LRRC28: variants seen among roughly 807,000 people sequenced by gnomAD.
LRRC28 encodes leucine rich repeat containing 28, also known as leucine-rich repeat-containing protein 28.
In LRRC28, 39 loss-of-function variants were observed where a neutral mutation model predicts 45.7. The ratio of observed to expected loss-of-function variants is 0.85; its 90% confidence interval spans 0.66 to 1.12. LRRC28 has a LOEUF of 1.12. Among genes scored for constraint, LRRC28 ranks in the 50% most tolerant of loss-of-function variants. The pLI, the probability that LRRC28 is intolerant of heterozygous loss-of-function variation, is 0.00. For synonymous variants in LRRC28, 206 were observed against 178.8 expected (o/e 1.15, Z -1.22); for missense variants, 435 against 438.5 (o/e 0.99, Z 0.07).
intron 1 of LRRC28, among the ~76,000 whole-genome samples, chr15:99,255,662 G>A (rs1410333376): frequency 6.6e-6 from 1 of 151,848 alleles, no homozygotes; most frequent in Non-Finnish European, 1.5e-5. Flanking sequence ...TTTCCATTAG[G>A]ACTATTTCTA....
intron 8 of LRRC28, 56 bp from the exon 9 acceptor site, chr15:99,363,050 A>C (rs965977503): frequency 6.5e-7 from 1 of 1,532,564 alleles, no homozygotes; most frequent in Non-Finnish European, 8.8e-7. Flanking sequence ...TAAGAAGCGT[A>C]GTTTAAGGAA....
chr15:99,359,561 A>G (rs551531783), intron 7 of LRRC28, among the ~76,000 whole-genome samples: 143 of 152,314 alleles, frequency 9.4e-4, no homozygotes, highest in African/African-American at 2.9e-3. Flanking sequence ...TTTCTTACCA[A>G]TCTTTTTGGA....
chr15:99,363,131 A>G lies in LRRC28; in HGVS notation c.897A>G (p.Ser299=), dbSNP rs757430375. 10 of 1,610,638 alleles carry G rather than the reference A, an allele frequency of 6.2e-6. No homozygotes were observed. In the South Asian group the frequency reaches 6.6e-5, roughly 11 times the overall value. The part of the protein sequence containing the change: ...LKDLNFLSPI[S]LPRSLLELLH... ...ATTTGAACTTTCTGTCTCCAATCTC[A>G]TTACCCAGAAGTCTCCTAGAGCTGC... is the stretch of plus-strand genomic sequence containing the variant. The change falls in exon 9 of 10, where the codon TCA becomes TCG. Residue 299 remains serine (S), a synonymous_variant. Transcript: ENST00000301981.
chr15:99,383,836 C>G (rs908765944), intron 9 of LRRC28, among the ~76,000 whole-genome samples: 1 of 152,172 alleles, frequency 6.6e-6, no homozygotes, highest in African/African-American at 2.4e-5. Flanking sequence ...CCTCTAGAAT[C>G]TGCAAGGGGA....
intron 5 of LRRC28, among the ~76,000 whole-genome samples, chr15:99,323,694 G>A (rs1955877991): frequency 6.6e-6 from 1 of 152,130 alleles, no homozygotes; most frequent in African/African-American, 2.4e-5. Context: ...AATTACAGAA[G>A]TATTTATATT....
rs1463680555 is a variant in LRRC28 at position 99,363,111 on chromosome 15, A to G, written c.877A>G (p.Asn293Asp). 1 of 1,606,194 alleles carries G rather than the reference A, an allele frequency of 6.2e-7. No homozygotes were observed. The highest frequency in any genetic ancestry group is 2.2e-5 in the East Asian group (1 of 44,736). Reference protein sequence around the residue: ...HTYHSLLKDLNFLSPISLPRS... With the variant: ...HTYHSLLKDLDFLSPISLPRS... ...GATTTTCTTTTGTGTTCCAGATTTG[A>G]ACTTTCTGTCTCCAATCTCATTACC... is the stretch of plus-strand genomic sequence containing the variant. Residue 293 changes from asparagine (N) to aspartate (D), a missense_variant, in exon 9 of 10, where the codon AAC becomes GAC. By Grantham distance (23) the Asn-to-Asp change is conservative (BLOSUM62 1). Transcript: ENST00000301981.
intron 2 of LRRC28, among the ~76,000 whole-genome samples, chr15:99,274,713 T>C (rs954961269): frequency 2.0e-5 from 3 of 152,378 alleles, no homozygotes; most frequent in Admixed American, 1.3e-4. Context: ...GACATGATTG[T>C]TTTTCTAACA....
In LRRC28 at chr15:99,256,929, G is replaced by A. The variant is rs145011234; in HGVS notation, c.168+804G>A. Reference sequence around the variant, plus strand: ...TTAACCTTATTTGAATCTTGTACTTGAATTCTAGTGCTTACTCATTTTAGA... The same window carrying A: ...TTAACCTTATTTGAATCTTGTACTTAAATTCTAGTGCTTACTCATTTTAGA... On this transcript the variant is annotated intron_variant, in intron 2 of 9. Coordinates refer to ENST00000301981, the MANE Select transcript of LRRC28 (RefSeq NM_144598.5). Among the ~76,000 whole-genome samples the A allele has an allele frequency of 2.2e-3, 334 of 152,198 alleles. 2 individuals carry two copies. The highest frequency in any genetic ancestry group is 7.8e-3 in the African/African-American group (322 of 41,534).
intron 5 of LRRC28, among the ~76,000 whole-genome samples, chr15:99,304,701 C>T (rs1955117186): frequency 6.6e-6 from 1 of 151,954 alleles, no homozygotes; most frequent in South Asian, 2.1e-4. Context: ...CCTGCCTGTG[C>T]CTCTCAAAGT....
At chr15:99,353,506 T>C (rs1375189610) in intron 7 of LRRC28, among the ~76,000 whole-genome samples, 1 of 152,196 alleles carries the variant, frequency 6.6e-6, no homozygotes. Flanking sequence ...AGCTGAGAGA[T>C]GTATTCTGGA....
chr15:99,294,792 A>G (rs1462364625), intron 5 of LRRC28, among the ~76,000 whole-genome samples: 1 of 152,198 alleles, frequency 6.6e-6, no homozygotes, highest in African/African-American at 2.4e-5. Flanking sequence ...TGGGGACACA[A>G]ACATTCAAAT....
At chr15:99,305,771 G>T (rs1955160463) in intron 5 of LRRC28, among the ~76,000 whole-genome samples, 2 of 151,934 alleles carry the variant, frequency 1.3e-5, no homozygotes, top group South Asian at 2.1e-4. Flanking sequence ...AAAAACAGTG[G>T]CTTTGTTTTC....
chr15:99,354,777 G>A (rs767475316), intron 7 of LRRC28, among the ~76,000 whole-genome samples: 7 of 152,188 alleles, frequency 4.6e-5, no homozygotes, highest in Non-Finnish European at 7.3e-5. Context: ...AGACCTGAAA[G>A]ATCAACTCCC....
rs201321526 is a variant in LRRC28, at chr15:99,358,732, A to AT, written c.696-2604_696-2603insT. 9.2e-3 allele frequency among the ~76,000 whole-genome samples: 1,399 copies of AT among 152,300 alleles called. 9 individuals are homozygous for AT. The highest frequency in any genetic ancestry group is 0.015 in the Non-Finnish European group (994 of 68,012). ...ATTATTTTTCCATTTGGAAAAAAAA[A>AT]GCTATGTCCTATTTTATATTATATA... On this transcript the variant is annotated intron_variant, in intron 7 of 9. Coordinates refer to ENST00000301981, the MANE Select transcript of LRRC28 (RefSeq NM_144598.5).
intron 3 of LRRC28, among the ~76,000 whole-genome samples, chr15:99,281,394 G>C (rs904846895): frequency 4.6e-5 from 7 of 151,980 alleles, no homozygotes; most frequent in Admixed American, 3.3e-4. Context: ...TGGGATTATG[G>C]GAGTGAGCCA....
In LRRC28 at chr15:99,254,955, A is replaced by T. The variant is rs546237932; in HGVS notation, c.-60-943A>T. Among the ~76,000 whole-genome samples the T allele has an allele frequency of 7.2e-5, 11 of 152,308 alleles. No homozygotes were observed. In the East Asian group the frequency reaches 1.2e-3, roughly 16 times the overall value. ...TTGTAATATTATAGAATAATACAGG[A>T]TTCTTGTTTCTGAGTGCAGTGTTTC... is the stretch of plus-strand genomic sequence containing the variant. On this transcript the variant is annotated intron_variant, in intron 1 of 9. Coordinates refer to ENST00000301981, the MANE Select transcript of LRRC28 (RefSeq NM_144598.5).
chr15:99,313,315 T>C lies in LRRC28; in HGVS notation c.386-20608T>C, dbSNP rs117162017. On this transcript the variant is annotated intron_variant, in intron 5 of 9. Transcript: ENST00000301981. Reference sequence around the variant, plus strand: ...AATGACATCTGGCTCACACCTGGAATTGAAAGGGGAAATAAACAACGCAAT... The same window carrying C: ...AATGACATCTGGCTCACACCTGGAACTGAAAGGGGAAATAAACAACGCAAT... Among the ~76,000 whole-genome samples the C allele has an allele frequency of 2.0e-4, 30 of 152,172 alleles. No individual in the cohort carries two copies. The East Asian group carries it at 5.2e-3, about 26-fold the overall frequency.
At chr15:99,317,445 T>C (rs1275938306) in intron 5 of LRRC28, 3 of 152,168 alleles carry the variant, frequency 2.0e-5, no homozygotes, top group Non-Finnish European at 4.4e-5. Context: ...TAATGTATTG[T>C]TTTTCCTAAA....
intron 9 of LRRC28, among the ~76,000 whole-genome samples, chr15:99,375,413 C>A (rs1957599594): frequency 6.6e-6 from 1 of 152,154 alleles, no homozygotes; most frequent in Non-Finnish European, 1.5e-5. Context: ...ATGAAAGATA[C>A]TGGTCTGTAA....
Sources: allele counts gnomAD v4.1 joint callset (sites outside exome capture counted in the v4.1 genomes callset), GRCh38; gene constraint gnomAD v4.1.1; transcripts MANE v1.5; gene names NCBI Gene and HGNC (gene_info 2026-07-23, HGNC 2026-07-21).